The following DHRSX variants were observed in gnomAD, a reference collection of about 807,000 sequenced individuals.
DHRSX encodes dehydrogenase/reductase X-linked, also known as polyprenol dehydrogenase.
A neutral mutation model predicts 34.0 loss-of-function variants in DHRSX; 31 were observed. The ratio of observed to expected loss-of-function variants is 0.91; its 90% CI spans 0.69 to 1.23. The LOEUF (loss-of-function observed/expected upper bound fraction) is 1.23. Among genes scored for constraint, DHRSX ranks in the 50% most tolerant of loss-of-function variants. The pLI is 0.00. For synonymous variants in DHRSX, 201 were observed against 183.8 expected (o/e 1.09, Z -0.76); for missense variants, 414 against 428.1 (o/e 0.97, Z 0.29).
At chrX:2,386,156 A>ATTAG (rs1353589758) in intron 3 of DHRSX, among the ~76,000 whole-genome samples, 4 of 143,924 alleles carry the variant, frequency 2.8e-5, no homozygotes, top group African/African-American at 1.0e-4. Flanking sequence ...TAGATAATCA[A>ATTAG]TTATTTATTT....
At chrX:2,282,803 G>C (rs2041737998) in intron 4 of DHRSX, among the ~76,000 whole-genome samples, 1 of 75,268 alleles carries the variant, frequency 1.3e-5, no homozygotes, top group Admixed American at 1.3e-4. Flanking sequence ...AAGAAAGAGA[G>C]AAGAGAGAAA....
At chrX:2,406,003 A>G (rs949267560) in intron 3 of DHRSX, among the ~76,000 whole-genome samples, 4 of 152,080 alleles carry the variant, frequency 2.6e-5, no homozygotes, top group Admixed American at 2.6e-4. Context: ...CTTATAGGAA[A>G]AGGTAGTCGG....
chrX:2,416,186 C>T (rs184775959), intron 2 of DHRSX, among the ~76,000 whole-genome samples: 1 of 151,792 alleles, frequency 6.6e-6, no homozygotes, highest in Non-Finnish European at 1.5e-5. Flanking sequence ...AACTAGTCCT[C>T]ATTATAGCCT....
intron 3 of DHRSX, among the ~76,000 whole-genome samples, chrX:2,330,902 G>A (rs926370612): frequency 1.3e-5 from 2 of 152,134 alleles, no homozygotes; most frequent in Non-Finnish European, 2.9e-5. Context: ...CCTGGTCCAG[G>A]CCACTCTAAA....
In DHRSX at chrX:2,421,372, G is replaced by C. The variant is rs753048986; in HGVS notation, c.217+3825C>G. 1.4e-3 allele frequency among the ~76,000 whole-genome samples: 208 copies of C among 152,158 alleles called. 1 individual carries two copies. Among genetic ancestry groups the C allele is most frequent in the African/African-American group, 4.8e-3 (198 of 41,532 alleles). ...TCCAGCCTGGGTGACAGAGTGAGAC[G>C]CTGTCTCAAAAATGTGAAAGTTGGG... On this transcript the variant is annotated intron_variant, in intron 2 of 6. Transcript: ENST00000334651.
chrX:2,353,787 G>A (rs1211841234), intron 3 of DHRSX, among the ~76,000 whole-genome samples: 8 of 151,782 alleles, frequency 5.3e-5, no homozygotes, highest in Non-Finnish European at 7.4e-5. Context: ...GTCTCTCCAC[G>A]TTGGTCAGGC....
At chrX:2,224,776 A>C (rs1236763559) in intron 6 of DHRSX, among the ~76,000 whole-genome samples, 20 of 152,016 alleles carry the variant, frequency 1.3e-4, no homozygotes, top group Non-Finnish European at 7.4e-5. Context: ...ACTCACACTC[A>C]TTCACATGCA....
intron 3 of DHRSX, among the ~76,000 whole-genome samples, chrX:2,393,456 A>G (rs2043360533): frequency 8.1e-6 from 1 of 122,726 alleles, no homozygotes; most frequent in East Asian, 2.6e-4. Context: ...GTGCACACAC[A>G]TGACACACAG....
chrX:2,402,102 A>T (rs1473739364), intron 3 of DHRSX, among the ~76,000 whole-genome samples: 2 of 152,212 alleles, frequency 1.3e-5, no homozygotes, highest in Non-Finnish European at 2.9e-5. Context: ...AGCAGGCTAG[A>T]CAGGCGCCCA....
rs1485240934 is a variant in DHRSX, at chrX:2,377,032, G to A, written c.286+31713C>T. Among the ~76,000 whole-genome samples, 3 of 151,112 alleles carry A rather than the reference G, an allele frequency of 2.0e-5. No individual in the cohort carries two copies. The East Asian group carries it at 5.9e-4, about 30-fold the overall frequency. On this transcript the variant is annotated intron_variant, in intron 3 of 6. Transcript: ENST00000334651. ...AGGAGAAGAGGAACACTGTGGCATAGAGACACAGAGATGGCCACGACAAAG... is the reference window on the plus strand; with the variant it reads ...AGGAGAAGAGGAACACTGTGGCATAAAGACACAGAGATGGCCACGACAAAG...
chrX:2,331,291 C>A (rs748264539), intron 3 of DHRSX, among the ~76,000 whole-genome samples: 1 of 152,196 alleles, frequency 6.6e-6, no homozygotes, highest in South Asian at 2.1e-4. Context: ...CCACTGAAGT[C>A]TTGAACCCCC....
intron 1 of DHRSX, among the ~76,000 whole-genome samples, chrX:2,431,124 C>G (rs145004939): frequency 0.012 from 1,855 of 151,900 alleles, 85 homozygotes; most frequent in Admixed American, 0.086. Flanking sequence ...AGGAGATCGA[C>G]ACCATCCTGG....
chrX:2,417,593 G>A (rs1472394235), intron 2 of DHRSX, among the ~76,000 whole-genome samples: 5 of 151,304 alleles, frequency 3.3e-5, no homozygotes, highest in East Asian at 2.0e-4. Context: ...CCAATTAGAC[G>A]TCATCATGAC....
intron 1 of DHRSX, among the ~76,000 whole-genome samples, chrX:2,438,864 T>A (rs1204088931): frequency 6.6e-6 from 1 of 151,832 alleles, no homozygotes; most frequent in African/African-American, 2.4e-5. Context: ...ACCTGCAAAC[T>A]GGCCAGTTGT....
chrX:2,298,317 GTTTTTT>G (rs529844889), intron 3 of DHRSX, among the ~76,000 whole-genome samples: 141 of 123,688 alleles, frequency 1.1e-3, no homozygotes, highest in African/African-American at 3.8e-3. Context: ...CAGTTTTGGT[GTTTTTT>G]TTTTTTTTGT....
Position 2,397,903 on chromosome X carries a change from T to G in DHRSX, c.286+10842A>C, listed in dbSNP as rs6641655. ...GCCTTGTCGTCTAATGGAAGAAGATTAAAAAGTGCCAATATCCTCAGAGCG... is the reference window on the plus strand; with the variant it reads ...GCCTTGTCGTCTAATGGAAGAAGATGAAAAAGTGCCAATATCCTCAGAGCG... On this transcript the variant is annotated intron_variant, in intron 3 of 6. Transcript: ENST00000334651. 9.4e-3 allele frequency among the ~76,000 whole-genome samples: 1,414 copies of G among 149,718 alleles called. 29 individuals are homozygous for G. Among genetic ancestry groups the G allele is most frequent in the African/African-American group, 0.033 (1,342 of 40,324 alleles).
intron 3 of DHRSX, among the ~76,000 whole-genome samples, chrX:2,397,928 G>GCACA (rs1171939171): frequency 6.3e-5 from 4 of 63,002 alleles, no homozygotes; most frequent in Admixed American, 5.3e-4. Context: ...TCCTCAGAGC[G>GCACA]CGCACACACA....
chrX:2,310,244 A>G (rs768998055), intron 3 of DHRSX, among the ~76,000 whole-genome samples: 1 of 152,238 alleles, frequency 6.6e-6, no homozygotes, highest in Non-Finnish European at 1.5e-5. Flanking sequence ...GCAGGGACGA[A>G]GCTCATGATG....
intron 3 of DHRSX, among the ~76,000 whole-genome samples, chrX:2,321,565 T>A (rs1164203781): frequency 6.6e-6 from 1 of 151,174 alleles, no homozygotes; most frequent in South Asian, 2.1e-4. Flanking sequence ...GCACACATGC[T>A]CCCTCGTGCT....
Sources: allele counts gnomAD v4.1 joint callset (sites outside exome capture counted in the v4.1 genomes callset), GRCh38; gene constraint gnomAD v4.1.1; transcripts MANE v1.5; gene names NCBI Gene and HGNC (gene_info 2026-07-23, HGNC 2026-07-21).